The following NKAIN3 variants were observed in gnomAD, a reference collection of about 807,000 sequenced individuals.
NKAIN3 encodes sodium/potassium-transporting ATPase subunit beta-1-interacting protein 3.
NKAIN3 carries 25 observed loss-of-function variants against 30.2 expected under a neutral mutation model. The observed-to-expected ratio is 0.83, with a 90% CI of 0.60 to 1.16. NKAIN3 has a LOEUF of 1.16. NKAIN3 is among the 50% of genes most tolerant of loss of function. The probability of loss-of-function intolerance (pLI) is 0.00; values close to 1 mark genes in which losing one functional copy is unlikely to be tolerated. For synonymous variants in NKAIN3, 91 were observed against 89.6 expected (o/e 1.02, Z -0.09); for missense variants, 225 against 254.1 (o/e 0.89, Z 0.78).
intron 1 of NKAIN3, among the ~76,000 whole-genome samples, chr8:62,511,922 G>A (rs954628853): frequency 6.6e-6 from 1 of 152,100 alleles, no homozygotes; most frequent in African/African-American, 2.4e-5. Context: ...TTATGACCGT[G>A]GAATTGTTTT....
At chr8:62,537,981 A>G (rs1472705821) in intron 1 of NKAIN3, among the ~76,000 whole-genome samples, 1 of 152,100 alleles carries the variant, frequency 6.6e-6, no homozygotes, top group Non-Finnish European at 1.5e-5. Context: ...CTCACAGTGG[A>G]TGGCAACTGT....
In NKAIN3 at chr8:62,275,532, C is replaced by T. The variant is rs187513190; in HGVS notation, c.54+26405C>T. Among the ~76,000 whole-genome samples, 160 of 152,096 alleles carry T rather than the reference C, an allele frequency of 1.1e-3. 1 individual carries two copies. Among genetic ancestry groups the T allele is most frequent in the Non-Finnish European group, 2.1e-3 (144 of 67,996 alleles). On this transcript the variant is annotated intron_variant, in intron 1 of 6. Transcript: ENST00000623646. Reference sequence around the variant, plus strand: ...CATATTGATAGACTTACTTCAAATTCTTTTTTGTAATCATAAAAATTCTTC... The same window carrying T: ...CATATTGATAGACTTACTTCAAATTTTTTTTTGTAATCATAAAAATTCTTC...
At chr8:62,386,444 G>A (rs529328928) in intron 1 of NKAIN3, among the ~76,000 whole-genome samples, 2 of 152,268 alleles carry the variant, frequency 1.3e-5, no homozygotes, top group South Asian at 2.1e-4. Flanking sequence ...TACACAGAAC[G>A]TGAAGAACAT....
chr8:62,530,005 T>C (rs1447756276), intron 1 of NKAIN3, among the ~76,000 whole-genome samples: 1 of 152,204 alleles, frequency 6.6e-6, no homozygotes, highest in Non-Finnish European at 1.5e-5. Flanking sequence ...GACTTTGCAC[T>C]GACTCAGTTT....
At chr8:62,633,951 G>T (rs78675782) in intron 3 of NKAIN3, among the ~76,000 whole-genome samples, 16,041 of 152,076 alleles carry the variant, frequency 0.11, 1,047 homozygotes, top group East Asian at 0.32. Flanking sequence ...GTATTAACTT[G>T]TAGATTTTGG....
chr8:62,308,013 A>G (rs1184430043), intron 1 of NKAIN3, among the ~76,000 whole-genome samples: 1 of 150,362 alleles, frequency 6.7e-6, no homozygotes, highest in African/African-American at 2.5e-5. Context: ...TCAGGACACT[A>G]CAGTGAAATG....
chr8:62,451,915 T>C (rs1389002570), intron 1 of NKAIN3, among the ~76,000 whole-genome samples: 1 of 152,222 alleles, frequency 6.6e-6, no homozygotes, highest in Non-Finnish European at 1.5e-5. Flanking sequence ...CCACAGCTGC[T>C]TTCAGAACAT....
intron 4 of NKAIN3, among the ~76,000 whole-genome samples, chr8:62,822,408 C>G (rs1351258370): frequency 6.6e-6 from 1 of 152,092 alleles, no homozygotes; most frequent in East Asian, 1.9e-4. Context: ...AAGCATTTTA[C>G]CTTAACAGTC....
intron 1 of NKAIN3, among the ~76,000 whole-genome samples, chr8:62,361,892 C>A (rs2351674): frequency 0.97 from 147,591 of 152,254 alleles, 71,592 homozygotes; most frequent in East Asian, 1. Flanking sequence ...TCAATGCATT[C>A]CCCTTCATCT....
intron 1 of NKAIN3, among the ~76,000 whole-genome samples, chr8:62,304,296 T>C (rs1299410216): frequency 6.6e-6 from 1 of 150,438 alleles, no homozygotes; most frequent in Middle Eastern, 3.2e-3. Flanking sequence ...CAAGTGTTTT[T>C]TGTGGAGCTC....
chr8:62,640,166 A>T (rs1466636065), intron 3 of NKAIN3, among the ~76,000 whole-genome samples: 1 of 152,100 alleles, frequency 6.6e-6, no homozygotes, highest in Non-Finnish European at 1.5e-5. Flanking sequence ...CCTGGCAAGT[A>T]GGTGCCTGAT....
At chr8:62,378,984 A>G (rs1300371584) in intron 1 of NKAIN3, among the ~76,000 whole-genome samples, 1 of 152,194 alleles carries the variant, frequency 6.6e-6, no homozygotes, top group Admixed American at 6.5e-5. Context: ...AGCCTGTGAA[A>G]GCAGCCTGGA....
chr8:62,517,223 G>T (rs936188043), intron 1 of NKAIN3, among the ~76,000 whole-genome samples: 2 of 152,006 alleles, frequency 1.3e-5, no homozygotes, highest in East Asian at 1.9e-4. Flanking sequence ...TGCTGTTGAC[G>T]CAAGTACTGT....
At chr8:62,838,646 G>A (rs942653280) in intron 4 of NKAIN3, among the ~76,000 whole-genome samples, 2 of 151,908 alleles carry the variant, frequency 1.3e-5, no homozygotes, top group African/African-American at 2.4e-5. Context: ...CTCCATATAC[G>A]GAAGCCTTTT....
chr8:62,514,919 C>T (rs915128623), intron 1 of NKAIN3, among the ~76,000 whole-genome samples: 12 of 152,062 alleles, frequency 7.9e-5, no homozygotes, highest in Non-Finnish European at 1.5e-4. Flanking sequence ...GGTCCTTCCA[C>T]CCCAAAAGTA....
At chr8:62,992,133 C>T (rs770688163) in intron 5 of NKAIN3, among the ~76,000 whole-genome samples, 1 of 152,006 alleles carries the variant, frequency 6.6e-6, no homozygotes. Context: ...ACCCTCCTGC[C>T]TCCCAGAGTA....
At chr8:62,699,102 G>T (rs1000025923) in intron 3 of NKAIN3, among the ~76,000 whole-genome samples, 1 of 151,820 alleles carries the variant, frequency 6.6e-6, no homozygotes, top group Non-Finnish European at 1.5e-5. Flanking sequence ...GACCTTTCTC[G>T]GGATATTTAC....
chr8:62,622,052 A>G (rs1586018706), intron 3 of NKAIN3, among the ~76,000 whole-genome samples: 2 of 152,046 alleles, frequency 1.3e-5, no homozygotes, highest in South Asian at 4.1e-4. Context: ...ATTTTATAGC[A>G]TATAGCCTTT....
At chr8:62,505,358 A>G (rs1459868932) in intron 1 of NKAIN3, among the ~76,000 whole-genome samples, 1 of 152,222 alleles carries the variant, frequency 6.6e-6, no homozygotes, top group Non-Finnish European at 1.5e-5. Context: ...TACTTCAAAC[A>G]ACCTTAGAGG....
Sources: gnomAD v4.1 joint callset for allele counts (sites outside exome capture counted in the v4.1 genomes callset) on GRCh38, gnomAD v4.1.1 for gene constraint, MANE v1.5 for transcripts, NCBI Gene and HGNC (gene_info 2026-07-23, HGNC 2026-07-21) for gene names.